The following DENND1B variants were observed in gnomAD, a reference collection of about 807,000 sequenced individuals.
DENND1B encodes the protein DENN domain-containing protein 1B.
DENND1B carries 59 observed loss-of-function variants against 90.1 expected under a neutral mutation model. The observed-to-expected ratio is 0.65, with a 90% CI of 0.53 to 0.81. The LOEUF is 0.81. DENND1B is among the 40% of genes least tolerant of loss of function. The probability of loss-of-function intolerance (pLI) is 0.00; values close to 1 mark genes in which losing one functional copy is unlikely to be tolerated. For missense variants in DENND1B, 862 were observed against 912.6 expected, an observed-to-expected ratio of 0.94 and a Z score of 0.71; for synonymous variants, 337 against 324.6, an observed-to-expected ratio of 1.04 and a Z score of -0.41.
chr1:197,736,323 A>G (rs909670170), intron 2 of DENND1B, among the ~76,000 whole-genome samples: 1 of 152,024 alleles, frequency 6.6e-6, no homozygotes, highest in Non-Finnish European at 1.5e-5. Flanking sequence ...GGTTTGCCCA[A>G]TTCTTTCTAC....
rs535966875 is a variant in DENND1B, at chr1:197,505,099, A to T, written c.*5361T>A. ...ACCCCTCCTGTGGCTTTTACATAAAAAAGCTTTATGCATTTATGTTGTAGG... is the reference window on the plus strand; with the variant it reads ...ACCCCTCCTGTGGCTTTTACATAAATAAGCTTTATGCATTTATGTTGTAGG... On this transcript the variant is annotated 3_prime_UTR_variant, in exon 23 of 23. Transcript: ENST00000620048. 9.7e-4 allele frequency: 147 copies of T among 151,888 alleles called. 1 individual carries two copies. Among genetic ancestry groups the T allele is most frequent in the African/African-American group, 3.4e-3 (140 of 41,500 alleles). 9.4% of individuals were successfully genotyped at this position (151,888 alleles called of 1,614,324 possible).
intron 12 of DENND1B, among the ~76,000 whole-genome samples, chr1:197,607,784 G>C (rs1676824068): frequency 6.6e-6 from 1 of 150,544 alleles, no homozygotes. Flanking sequence ...ATCTTGACTT[G>C]TCCCATTTGT....
chr1:197,636,139 A>AT (rs921479315), intron 10 of DENND1B, among the ~76,000 whole-genome samples: 7 of 152,112 alleles, frequency 4.6e-5, no homozygotes, highest in East Asian at 1.9e-4. Context: ...TAACCAATAG[A>AT]TTTTTTTTAT....
chr1:197,729,694 C>A (rs1408807821), intron 2 of DENND1B, among the ~76,000 whole-genome samples: 1 of 152,092 alleles, frequency 6.6e-6, no homozygotes, highest in Non-Finnish European at 1.5e-5. Context: ...TTTTAGTTAG[C>A]CCCCATAATG....
intron 15 of DENND1B, among the ~76,000 whole-genome samples, chr1:197,553,536 C>T (rs1380698104): frequency 1.3e-5 from 2 of 152,140 alleles, no homozygotes; most frequent in African/African-American, 2.4e-5. Flanking sequence ...CAGTACCTGC[C>T]TCACGGTGTT....
chr1:197,535,119 C>T (rs1031968521), intron 20 of DENND1B, among the ~76,000 whole-genome samples: 21 of 152,234 alleles, frequency 1.4e-4, no homozygotes, highest in African/African-American at 5.1e-4. Context: ...AATTCATTTC[C>T]ACCTGTAGCC....
chr1:197,559,860 TAGTA>T (rs1369636835), intron 15 of DENND1B, among the ~76,000 whole-genome samples: 1 of 151,978 alleles, frequency 6.6e-6, no homozygotes. Context: ...GCCATTCAGT[TAGTA>T]GCTATATATA....
chr1:197,524,713 G>A (rs145001112), intron 20 of DENND1B, among the ~76,000 whole-genome samples: 25 of 152,212 alleles, frequency 1.6e-4, no homozygotes, highest in South Asian at 6.2e-4. Flanking sequence ...ATACAATCTC[G>A]AAAGCTGTAA....
intron 15 of DENND1B, among the ~76,000 whole-genome samples, chr1:197,566,368 T>A (rs548281813): frequency 1.1e-4 from 16 of 152,218 alleles, no homozygotes; most frequent in African/African-American, 2.9e-4. Context: ...TTGTTTGAGT[T>A]CATTGTAGAT....
chr1:197,639,621 T>C (rs1032242813), intron 10 of DENND1B, among the ~76,000 whole-genome samples: 1 of 152,160 alleles, frequency 6.6e-6, no homozygotes, highest in Non-Finnish European at 1.5e-5. Context: ...GGCTGTATAC[T>C]TAAAAAATTA....
chr1:197,576,023 A>G (rs904357854), intron 15 of DENND1B, among the ~76,000 whole-genome samples: 3 of 152,210 alleles, frequency 2.0e-5, no homozygotes. Context: ...TGGCACATGT[A>G]TACCTATGTA....
intron 3 of DENND1B, among the ~76,000 whole-genome samples, chr1:197,701,774 G>A (rs1659053423): frequency 6.6e-6 from 1 of 151,974 alleles, no homozygotes; most frequent in Admixed American, 6.6e-5. Context: ...AGAGCTACAT[G>A]CTAATTGCCT....
At chr1:197,568,807 A>C (rs1439398828) in intron 15 of DENND1B, among the ~76,000 whole-genome samples, 1 of 152,134 alleles carries the variant, frequency 6.6e-6, no homozygotes, top group African/African-American at 2.4e-5. Context: ...ATATATAAAA[A>C]TCAATTCAAA....
chr1:197,679,732 A>T (rs1365602483), intron 3 of DENND1B, among the ~76,000 whole-genome samples: 1 of 150,096 alleles, frequency 6.7e-6, no homozygotes, highest in Non-Finnish European at 1.5e-5. Context: ...AAATACATTT[A>T]TTCTCATTAG....
chr1:197,543,378 A>G (rs1365117962), intron 18 of DENND1B, among the ~76,000 whole-genome samples: 1 of 152,210 alleles, frequency 6.6e-6, no homozygotes, highest in Non-Finnish European at 1.5e-5. Flanking sequence ...CGCTTTTGTG[A>G]AAAATATGAG....
chr1:197,721,876 T>C (rs1661214452), intron 2 of DENND1B, among the ~76,000 whole-genome samples: 1 of 152,116 alleles, frequency 6.6e-6, no homozygotes, highest in South Asian at 2.1e-4. Flanking sequence ...TATTTCAAAA[T>C]TGAATGTTTT....
chr1:197,540,876 AAC>A (rs1670282842), intron 19 of DENND1B, 81 bp downstream of exon 19: 1 of 1,322,204 alleles, frequency 7.6e-7, no homozygotes, highest in South Asian at 1.3e-5. Flanking sequence ...TGTCATTAAA[AAC>A]ACAAATTTCT....
chr1:197,617,487 A>G (rs1300760139), intron 11 of DENND1B, among the ~76,000 whole-genome samples, 172 bp downstream of exon 11: 1 of 151,180 alleles, frequency 6.6e-6, no homozygotes, highest in Non-Finnish European at 1.5e-5. Context: ...AACTTGCGCT[A>G]CCTTTGTACA....
rs368293900 is a variant in DENND1B, at chr1:197,629,058, T to A, written c.673-11299A>T. On this transcript the variant is annotated intron_variant, in intron 10 of 22. Transcript: ENST00000620048. ...GCTGGAGAGGATGTGGAGAAATAGG[T>A]ACACTTTTACACTGTTGGTGGGACT... 6.5e-3 allele frequency among the ~76,000 whole-genome samples: 993 copies of A among 152,018 alleles called. 11 individuals are homozygous for A. The highest frequency in any genetic ancestry group is 0.022 in the African/African-American group (897 of 41,506).
Sources: allele counts gnomAD v4.1 joint callset (sites outside exome capture counted in the v4.1 genomes callset), GRCh38; gene constraint gnomAD v4.1.1; transcripts MANE v1.5; gene names NCBI Gene and HGNC (gene_info 2026-07-23, HGNC 2026-07-21).